TMTC2: variants seen among roughly 807,000 people sequenced by gnomAD.
TMTC2 encodes the protein protein O-mannosyl-transferase TMTC2.
In TMTC2, 43 loss-of-function variants were observed where a neutral mutation model predicts 82.4. The ratio of observed to expected loss-of-function variants is 0.52; its 90% CI spans 0.41 to 0.67. The LOEUF (loss-of-function observed/expected upper bound fraction) is 0.67, where lower values mean the gene tolerates loss of function less well. TMTC2 is among the 30% of genes least tolerant of loss of function. The probability of loss-of-function intolerance (pLI) is 0.00; values close to 1 mark genes in which losing one functional copy is unlikely to be tolerated. For synonymous variants in TMTC2, 408 were observed against 381.9 expected (o/e 1.07, Z -0.80); for missense variants, 919 against 1,012.4 (o/e 0.91, Z 1.25).
chr12:83,061,602 C>T (rs1393524870), intron 10 of TMTC2, among the ~76,000 whole-genome samples, 166 bp from the exon 11 acceptor site: 5 of 151,680 alleles, frequency 3.3e-5, no homozygotes, highest in Non-Finnish European at 7.4e-5. Context: ...AATACATTAA[C>T]AAGTGCAATG....
chr12:82,990,849 A>C (rs10778923), intron 8 of TMTC2, among the ~76,000 whole-genome samples: 101,610 of 151,850 alleles, frequency 0.67, 34,770 homozygotes, highest in East Asian at 0.96. Context: ...TAATCCCTTC[A>C]TTTGGTCAAC....
intron 1 of TMTC2, among the ~76,000 whole-genome samples, chr12:82,731,793 T>A (rs1441312924): frequency 6.6e-6 from 1 of 152,230 alleles, no homozygotes; most frequent in Non-Finnish European, 1.5e-5. Context: ...AGGTTCAATT[T>A]TACATGGAAT....
chr12:82,687,541 G>T lies in TMTC2; in HGVS notation c.-46G>T, dbSNP rs1203147465. On this transcript the variant is annotated 5_prime_UTR_variant, in exon 1 of 12. Transcript: ENST00000321196. ...GATGCTTCTGTTTTTTGTTGCCGCT[G>T]CTGCCCTCGCGCTGGGAGCCGAGCC... 6.4e-7 allele frequency: 1 copy of T among 1,556,246 alleles called. No individual in the cohort carries two copies. The highest frequency in any genetic ancestry group is 1.9e-5 in the Admixed American group (1 of 51,322).
intron 11 of TMTC2, among the ~76,000 whole-genome samples, chr12:83,099,162 G>A (rs957816716): frequency 2.0e-5 from 3 of 152,106 alleles, no homozygotes; most frequent in African/African-American, 7.2e-5. Flanking sequence ...CTTTTCAAAT[G>A]AATGAAATAT....
intron 3 of TMTC2, among the ~76,000 whole-genome samples, chr12:82,902,760 C>T (rs547425182): frequency 1.3e-5 from 2 of 152,230 alleles, no homozygotes; most frequent in South Asian, 4.1e-4. Flanking sequence ...TTATTGAGTA[C>T]TATGCTCGCT....
chr12:82,863,912 A>G (rs1490331483), intron 2 of TMTC2, among the ~76,000 whole-genome samples: 1 of 152,132 alleles, frequency 6.6e-6, no homozygotes, highest in African/African-American at 2.4e-5. Flanking sequence ...TGAGGGTTAT[A>G]AGGGAGCCAT....
At chr12:83,030,590 T>C (rs892685771) in intron 8 of TMTC2, among the ~76,000 whole-genome samples, 18 of 152,202 alleles carry the variant, frequency 1.2e-4, no homozygotes, top group Admixed American at 3.3e-4. Flanking sequence ...TTCTGTTATA[T>C]ATTCTTCATG....
At chr12:82,745,572 C>G (rs964500230) in intron 1 of TMTC2, among the ~76,000 whole-genome samples, 3 of 152,268 alleles carry the variant, frequency 2.0e-5, no homozygotes, top group African/African-American at 7.2e-5. Flanking sequence ...ATGTTCATTA[C>G]CAGTAAACAT....
intron 8 of TMTC2, among the ~76,000 whole-genome samples, chr12:83,002,899 C>T (rs1275759270): frequency 5.9e-5 from 9 of 151,652 alleles, no homozygotes; most frequent in Admixed American, 3.3e-4. Flanking sequence ...GTGTAATATT[C>T]TACAGATGTC....
intron 2 of TMTC2, among the ~76,000 whole-genome samples, chr12:82,883,620 G>T (rs1872946951): frequency 6.6e-6 from 1 of 152,160 alleles, no homozygotes. Flanking sequence ...ATAATAGCTG[G>T]TTTGTCGCAC....
intron 8 of TMTC2, among the ~76,000 whole-genome samples, chr12:83,024,989 C>T (rs11115537): frequency 0.59 from 89,799 of 151,814 alleles, 27,073 homozygotes; most frequent in South Asian, 0.73. Flanking sequence ...GCCAGCAGTT[C>T]GAGACTAGCC....
chr12:82,945,117 A>G (rs1444039849), intron 4 of TMTC2, among the ~76,000 whole-genome samples: 1 of 152,170 alleles, frequency 6.6e-6, no homozygotes, highest in Admixed American at 6.5e-5. Context: ...CTGCTGAACT[A>G]ACTATTAAGC....
chr12:82,758,824 C>T (rs1317471661), intron 1 of TMTC2: 1 of 152,028 alleles, frequency 6.6e-6, no homozygotes, highest in Non-Finnish European at 1.5e-5. Flanking sequence ...AAATATTTAT[C>T]CAGTGGGAGA....
intron 9 of TMTC2, among the ~76,000 whole-genome samples, chr12:83,036,476 G>GTTTTT (rs1348514368): frequency 7.1e-6 from 1 of 140,588 alleles, no homozygotes; most frequent in South Asian, 2.3e-4. Context: ...TTGTCCCCGA[G>GTTTTT]TCTTTTTTTT....
At chr12:82,994,544 A>G (rs1372050973) in intron 8 of TMTC2, among the ~76,000 whole-genome samples, 1 of 151,920 alleles carries the variant, frequency 6.6e-6, no homozygotes, top group Non-Finnish European at 1.5e-5. Flanking sequence ...CATAATCCCT[A>G]GTACTCTGAT....
Position 83,114,557 on chromosome 12 carries a change from T to C in TMTC2, c.2332-17653T>C, listed in dbSNP as rs12426337. Among the ~76,000 whole-genome samples, 760 of 152,312 alleles carry C rather than the reference T, an allele frequency of 5.0e-3. 17 individuals are homozygous for C. The highest frequency in any genetic ancestry group is 0.04 in the Admixed American group (610 of 15,284). Reference sequence around the variant, plus strand: ...CTACTATTTGATGTCTCTCATATCCTCATTTCCGTGATTTTTAAAACTGAG... The same window carrying C: ...CTACTATTTGATGTCTCTCATATCCCCATTTCCGTGATTTTTAAAACTGAG... On this transcript the variant is annotated intron_variant, in intron 11 of 11. Transcript: ENST00000321196.
intron 3 of TMTC2, among the ~76,000 whole-genome samples, chr12:82,914,128 T>G (rs183954689): frequency 2.0e-5 from 3 of 152,326 alleles, no homozygotes; most frequent in South Asian, 4.1e-4. Context: ...TTTCTGTTGT[T>G]AAATCAACTG....
chr12:82,731,099 C>G (rs552517661), intron 1 of TMTC2, among the ~76,000 whole-genome samples: 2 of 152,234 alleles, frequency 1.3e-5, no homozygotes, highest in Admixed American at 1.3e-4. Flanking sequence ...CTAGACTTAT[C>G]GGTGTTTATA....
intron 9 of TMTC2, among the ~76,000 whole-genome samples, chr12:83,033,806 A>ATG (rs1491149491): frequency 7.4e-6 from 1 of 135,742 alleles, no homozygotes; most frequent in Non-Finnish European, 1.6e-5. Context: ...ATATATACAC[A>ATG]TATATGTGTG....
Sources: allele counts gnomAD v4.1 joint callset (sites outside exome capture counted in the v4.1 genomes callset), GRCh38; gene constraint gnomAD v4.1.1; transcripts MANE v1.5; gene names NCBI Gene and HGNC (gene_info 2026-07-23, HGNC 2026-07-21).